Variants in NPC1L1 observed in about 807,000 individuals in gnomAD.
The protein encoded by NPC1L1 is NPC1-like intracellular cholesterol transporter 1.
In NPC1L1, 98 loss-of-function variants were observed where a neutral mutation model predicts 117.0. The ratio of observed to expected loss-of-function variants is 0.84; its 90% confidence interval spans 0.71 to 0.99. The LOEUF is 0.99. Ranked by LOEUF, NPC1L1 falls within the 50% of genes least tolerant of loss-of-function variation. The pLI is 0.00. For synonymous variants in NPC1L1, 729 were observed against 727.6 expected (o/e 1.00, Z -0.03); for missense variants, 1,540 against 1,710.0 (o/e 0.90, Z 1.75).
chr7:44,525,889 G>A (rs988691966), intron 10 of NPC1L1, among the ~76,000 whole-genome samples: 3 of 152,206 alleles, frequency 2.0e-5, no homozygotes, highest in Non-Finnish European at 4.4e-5. Context: ...AAGAATGCTG[G>A]GCATGATGGC....
At chr7:44,527,866 C>T (rs904336510) in intron 10 of NPC1L1, among the ~76,000 whole-genome samples, 5 of 152,152 alleles carry the variant, frequency 3.3e-5, no homozygotes, top group Admixed American at 1.3e-4. Flanking sequence ...GCTCTGTCGC[C>T]CAAGCTGGAG....
At chr7:44,513,765 C>T in intron 18 of NPC1L1, 116 bp from the exon 19 acceptor site, 1 of 1,109,588 alleles carries the variant, frequency 9.0e-7, no homozygotes, top group Non-Finnish European at 1.3e-6. Flanking sequence ...GGGATCTGTG[C>T]CATGTGCCTT....
At chr7:44,540,960 C>G (rs928098296) in intron 1 of NPC1L1, among the ~76,000 whole-genome samples, 3 of 152,096 alleles carry the variant, frequency 2.0e-5, no homozygotes, top group African/African-American at 7.2e-5. Context: ...ACAGGAGGGA[C>G]TTGGAGCACC....
Position 44,532,100 on chromosome 7 carries a change from A to G in NPC1L1, c.2527T>C (p.Trp843Arg), listed in dbSNP as rs778508106. 8 of 1,614,070 alleles carry G rather than the reference A, an allele frequency of 5.0e-6. No individual in the cohort carries two copies. Among genetic ancestry groups the G allele is most frequent in the African/African-American group, 4.0e-5 (3 of 74,932 alleles). ...CTCACCACAACACCTCGAGTGATCC[A>G]GTGCAGCAGGAAGGGGGCATAAGCC... ...QKAYAPFLLHWITRGVVLLLF... is the reference protein window; with the variant it reads ...QKAYAPFLLHRITRGVVLLLF... The change falls in exon 9 of 19, where the codon TGG becomes CGG. Residue 843 changes from tryptophan (W) to arginine (R), a missense_variant. Coordinates refer to ENST00000381160, the MANE Select transcript of NPC1L1 (RefSeq NM_001101648.2).
At position 44,540,337 on chromosome 7, in the gene NPC1L1, C is replaced by T. The variant is rs560490272; in HGVS notation, c.60G>A (p.Gln20=). Residue 20 remains glutamine (Q), a synonymous_variant, in exon 2 of 19, where the codon CAG becomes CAA. Coordinates refer to ENST00000381160, the MANE Select transcript of NPC1L1 (RefSeq NM_001101648.2). ...LLWALLLRLA[Q]SEPYTTIHQP... ...GGTGGATGGTTGTGTAAGGCTCACT[C>T]TGGGCCTGCAGAGCACAGCAACATC... The T allele has an allele frequency of 4.7e-5, 76 of 1,612,184 alleles. No homozygotes were observed. In the East Asian group the frequency reaches 1.3e-3, roughly 28 times the overall value.
intron 10 of NPC1L1, among the ~76,000 whole-genome samples, chr7:44,527,826 A>C (rs1161967612): frequency 6.6e-6 from 1 of 152,216 alleles, no homozygotes; most frequent in African/African-American, 2.4e-5. Flanking sequence ...ATAATGCATA[A>C]AAATACAAAA....
At chr7:44,533,151 C>T (rs988489640) in intron 8 of NPC1L1, 3 of 363,446 alleles carry the variant, frequency 8.3e-6, no homozygotes, top group Admixed American at 3.9e-5. Flanking sequence ...CTTAGACAGT[C>T]GGTGCCCTAA....
chr7:44,532,603 C>T (rs1801741479), intron 8 of NPC1L1, among the ~76,000 whole-genome samples: 1 of 152,218 alleles, frequency 6.6e-6, no homozygotes, highest in African/African-American at 2.4e-5. Flanking sequence ...GGATGAAGAC[C>T]CTCATGATGA....
At position 44,536,184 on chromosome 7, in the gene NPC1L1, G is replaced by A. The variant is rs1801883980; in HGVS notation, c.1854+72C>T. On this transcript the variant is annotated intron_variant, in intron 4 of 18. Coordinates refer to ENST00000381160, the MANE Select transcript of NPC1L1 (RefSeq NM_001101648.2). This position sits in a 1 kb window ranked among gnomAD's most constrained non-coding sequence, Gnocchi z 4.7. Reference sequence around the variant, plus strand: ...GTCACTTAGGAAGGGCCAGGGCCAGGATGGGGACACAGGAACTGACCCAAG... The same window carrying A: ...GTCACTTAGGAAGGGCCAGGGCCAGAATGGGGACACAGGAACTGACCCAAG... 6.2e-7 allele frequency: 1 copy of A among 1,603,024 alleles called. No homozygotes were observed. The highest frequency in any genetic ancestry group is 8.5e-7 in the Non-Finnish European group (1 of 1,171,914).
chr7:44,535,273 GACAATTGTTGA>G (rs771972052), intron 5 of NPC1L1, among the ~76,000 whole-genome samples: 64 of 152,048 alleles, frequency 4.2e-4, no homozygotes, highest in Non-Finnish European at 3.2e-4. Flanking sequence ...GCTGAGGCAG[GACAATTGTTGA>G]ACCCAGGAGG....
intron 10 of NPC1L1, among the ~76,000 whole-genome samples, chr7:44,531,424 C>T (rs541918631): frequency 1.3e-5 from 2 of 152,372 alleles, no homozygotes; most frequent in African/African-American, 4.8e-5. Context: ...CCCCGGGCTT[C>T]AGGCCCAGAG....
At chr7:44,528,628 A>G (rs1358555169) in intron 10 of NPC1L1, among the ~76,000 whole-genome samples, 1 of 152,246 alleles carries the variant, frequency 6.6e-6, no homozygotes, top group East Asian at 1.9e-4. Flanking sequence ...GTAGCAATCA[A>G]CTAAGCACAA....
chr7:44,528,252 G>A (rs554373763), intron 10 of NPC1L1, among the ~76,000 whole-genome samples: 28 of 152,258 alleles, frequency 1.8e-4, no homozygotes, highest in African/African-American at 5.8e-4. Context: ...CTACAGGCAC[G>A]TGCCATCTTG....
In NPC1L1 at chr7:44,536,200, C is replaced by T; in HGVS notation, c.1854+56G>A. On this transcript the variant is annotated intron_variant, in intron 4 of 18. Transcript: ENST00000381160. This position sits in a 1 kb window ranked among gnomAD's most constrained non-coding sequence, Gnocchi z 4.7. The stretch of plus-strand genomic sequence containing the variant: ...CAGGGCCAGGATGGGGACACAGGAA[C>T]TGACCCAAGACCACCTGGGTTGCAC... 1 of 1,608,742 alleles carries T rather than the reference C, an allele frequency of 6.2e-7. No homozygotes were observed. The highest frequency in any genetic ancestry group is 1.1e-5 in the South Asian group (1 of 90,910).
chr7:44,520,736 TC>T, intron 14 of NPC1L1, 28 bp downstream of exon 14: 1 of 1,607,920 alleles, frequency 6.2e-7, no homozygotes, highest in Non-Finnish European at 8.5e-7. Flanking sequence ...CCGATTTATG[TC>T]CTCCCCTCCA....
chr7:44,537,953 A>G (rs1373943391), intron 2 of NPC1L1, among the ~76,000 whole-genome samples: 1 of 152,182 alleles, frequency 6.6e-6, no homozygotes, highest in Non-Finnish European at 1.5e-5. Flanking sequence ...GCCAGGTAGC[A>G]GGGGACAGAA....
rs1801883356 is a variant in NPC1L1, at chr7:44,536,177, G to A, written c.1854+79C>T. 6.2e-7 allele frequency: 1 copy of A among 1,600,562 alleles called. No individual in the cohort carries two copies. Among genetic ancestry groups the A allele is most frequent in the African/African-American group, 1.3e-5 (1 of 74,656 alleles). On this transcript the variant is annotated intron_variant, in intron 4 of 18. Coordinates refer to ENST00000381160, the MANE Select transcript of NPC1L1 (RefSeq NM_001101648.2). This position sits in a 1 kb window ranked among gnomAD's most constrained non-coding sequence, Gnocchi z 4.7. ...GCCCAGGGTCACTTAGGAAGGGCCA[G>A]GGCCAGGATGGGGACACAGGAACTG...
rs1801868706 is a variant in NPC1L1, at chr7:44,535,836, T to TC, written c.1983+3dup. ...CACTTAGCTGTGTCCCTCCCGCTTC[T>TC]CACCATCACTCGGCTCCAGCTGGAA... On this transcript the variant is annotated splice_donor_region_variant and intron_variant, in intron 5 of 18. Coordinates refer to ENST00000381160, the MANE Select transcript of NPC1L1 (RefSeq NM_001101648.2). 1 of 1,612,712 alleles carries TC rather than the reference T, an allele frequency of 6.2e-7. No homozygotes were observed. Among genetic ancestry groups the TC allele is most frequent in the Non-Finnish European group, 8.5e-7 (1 of 1,179,908 alleles).
At position 44,513,361 on chromosome 7, in the gene NPC1L1, G is replaced by T; in HGVS notation, c.*86C>A. ...ATGGCCTCCCCTAGGATTTGAGGAG[G>T]GCGTGTGTCAAGGGGCAGTCACAAG... is the stretch of plus-strand genomic sequence containing the variant. On this transcript the variant is annotated 3_prime_UTR_variant, in exon 19 of 19. Transcript: ENST00000381160. 1 of 1,276,502 alleles carries T rather than the reference G, an allele frequency of 7.8e-7. No individual in the cohort carries two copies. The highest frequency in any genetic ancestry group is 1.1e-6 in the Non-Finnish European group (1 of 876,542). The allele number at this position is 1,276,502 out of a possible 1,614,324, so 79.1% of individuals were successfully genotyped here.
Sources: gnomAD v4.1 joint callset for allele counts (sites outside exome capture counted in the v4.1 genomes callset) on GRCh38, gnomAD v4.1.1 for gene constraint, Gnocchi (gnomAD v3.1) non-coding constraint, MANE v1.5 for transcripts, NCBI Gene and HGNC (gene_info 2026-07-23, HGNC 2026-07-21) for gene names.